The following ZFPM2 variants were observed in gnomAD, a reference collection of about 807,000 sequenced individuals.
The protein encoded by ZFPM2 is zinc finger protein ZFPM2.
ZFPM2 carries 20 observed loss-of-function variants against 98.6 expected under a neutral mutation model. The observed-to-expected ratio is 0.20, with a 90% CI of 0.14 to 0.29. ZFPM2 has a LOEUF of 0.29. Ranked by LOEUF, ZFPM2 falls within the 10% of genes least tolerant of loss-of-function variation. ZFPM2 has a pLI of 1.00. For missense variants in ZFPM2, 1,310 were observed against 1,388.6 expected (o/e 0.94, Z 0.90); for synonymous variants, 518 against 502.7 (o/e 1.03, Z -0.41).
rs869164122 is a variant in ZFPM2, at chr8:105,691,231, C to CTTTTTT, written c.532+56897_532+56902dup. Among the ~76,000 whole-genome samples the CTTTTTT allele has an allele frequency of 1.7e-3, 114 of 67,966 alleles. 13 individuals are homozygous for CTTTTTT. The highest frequency in any genetic ancestry group is 2.1e-3 in the Non-Finnish European group (81 of 38,018). 44.6% of individuals were successfully genotyped at this position (67,966 alleles called of 152,430 possible). On this transcript the variant is annotated intron_variant, in intron 5 of 7. Coordinates refer to ENST00000407775, the MANE Select transcript of ZFPM2 (RefSeq NM_012082.4). ...CTCAAGCGCCCTGTTCCCAAAGAGACTTTTTTTTTTTTTTTTTTTTTTTTT... is the reference window on the plus strand; with the variant it reads ...CTCAAGCGCCCTGTTCCCAAAGAGACTTTTTTTTTTTTTTTTTTTTTTTTTTTTTTT...
Position 105,561,470 on chromosome 8 carries a change from A to C in ZFPM2, c.409A>C (p.Asn137His), listed in dbSNP as rs768990545. The change falls in exon 4 of 8, where the codon AAT becomes CAT. Residue 137 changes from asparagine to histidine, a missense_variant. Physicochemically the swap from Asn to His is moderately conservative, Grantham distance 68. Coordinates refer to ENST00000407775, the MANE Select transcript of ZFPM2 (RefSeq NM_012082.4). Reference protein sequence around the residue: ...GPFPGKMDLNNNSLKTKAQVP... With the variant: ...GPFPGKMDLNHNSLKTKAQVP... ...GTTTCCTGGGAAGATGGACTTGAAT[A>C]ATAATTCTTTGGTATGTGGATATTC... 3 of 1,611,584 alleles carry C rather than the reference A, an allele frequency of 1.9e-6. No individual in the cohort carries two copies. Among genetic ancestry groups the C allele is most frequent in the Admixed American group, 1.7e-5 (1 of 59,828 alleles).
chr8:105,677,456 C>G (rs151130233), intron 5 of ZFPM2, among the ~76,000 whole-genome samples: 1 of 152,184 alleles, frequency 6.6e-6, no homozygotes, highest in African/African-American at 2.4e-5. Context: ...TTCTGCTTAT[C>G]GAATCATCAC....
chr8:105,745,985 T>A (rs542161475), intron 5 of ZFPM2, among the ~76,000 whole-genome samples: 6 of 152,210 alleles, frequency 3.9e-5, no homozygotes, highest in South Asian at 4.1e-4. Flanking sequence ...TTGCCAAGGC[T>A]GGTCTCAAAC....
chr8:105,463,283 ATATG>A (rs1281386808), intron 3 of ZFPM2, among the ~76,000 whole-genome samples: 1 of 113,268 alleles, frequency 8.8e-6, no homozygotes, highest in Non-Finnish European at 2.1e-5. Context: ...TTAAAACTAT[ATATG>A]TGTGTGTGTA....
chr8:105,794,091 G>A (rs779814800), intron 6 of ZFPM2, among the ~76,000 whole-genome samples: 18 of 152,230 alleles, frequency 1.2e-4, no homozygotes, highest in Admixed American at 2.6e-4. Context: ...GTCCTTCTCC[G>A]TCCAGCTTTG....
At chr8:105,571,680 A>G (rs1815357635) in intron 4 of ZFPM2, among the ~76,000 whole-genome samples, 1 of 152,226 alleles carries the variant, frequency 6.6e-6, no homozygotes, top group Non-Finnish European at 1.5e-5. Flanking sequence ...GCTTGACATG[A>G]CAATTAATAC....
intron 6 of ZFPM2, among the ~76,000 whole-genome samples, chr8:105,795,537 A>G (rs1443513659): frequency 6.6e-6 from 1 of 152,048 alleles, no homozygotes; most frequent in Non-Finnish European, 1.5e-5. Context: ...TCAAAGTTTG[A>G]TTAGATATAC....
chr8:105,383,190 A>G (rs1188480529), intron 1 of ZFPM2, among the ~76,000 whole-genome samples: 7 of 152,116 alleles, frequency 4.6e-5, no homozygotes, highest in Non-Finnish European at 8.8e-5. Context: ...TCATCAATAT[A>G]TGCTGCTCCT....
chr8:105,491,500 C>T (rs1302611259), intron 3 of ZFPM2, among the ~76,000 whole-genome samples: 4 of 152,062 alleles, frequency 2.6e-5, no homozygotes, highest in South Asian at 2.1e-4. Flanking sequence ...ACAGGCTGGC[C>T]GTTAAGTAAA....
intron 3 of ZFPM2, among the ~76,000 whole-genome samples, chr8:105,499,919 A>T (rs1411023308): frequency 6.6e-6 from 1 of 152,178 alleles, no homozygotes; most frequent in African/African-American, 2.4e-5. Context: ...ACATTCTTAC[A>T]TGGAACTTTC....
At chr8:105,421,143 C>T (rs1487316593) in intron 2 of ZFPM2, among the ~76,000 whole-genome samples, 1 of 152,034 alleles carries the variant, frequency 6.6e-6, no homozygotes, top group Non-Finnish European at 1.5e-5. Flanking sequence ...CTATACTAAT[C>T]AGAGTCTTAA....
chr8:105,372,032 ATTATTATTATTATTATTTTATTT>A (rs1810632735), intron 1 of ZFPM2, among the ~76,000 whole-genome samples: 1 of 59,318 alleles, frequency 1.7e-5, no homozygotes. Context: ...TATTATTATT[ATTATTATTATTATTATTTTATTT>A]TTTTTGAGAC....
At chr8:105,729,188 C>A (rs1168468960) in intron 5 of ZFPM2, among the ~76,000 whole-genome samples, 1 of 151,626 alleles carries the variant, frequency 6.6e-6, no homozygotes, top group African/African-American at 2.4e-5. Context: ...AGGTTAAGTT[C>A]ATTATTGTCT....
intron 5 of ZFPM2, among the ~76,000 whole-genome samples, chr8:105,772,640 G>GTA (rs1212775016): frequency 6.6e-6 from 1 of 152,116 alleles, no homozygotes; most frequent in Non-Finnish European, 1.5e-5. Flanking sequence ...TTTAGAAGCA[G>GTA]TATATGTGTG....
At chr8:105,426,496 C>T (rs1811914675) in intron 2 of ZFPM2, among the ~76,000 whole-genome samples, 1 of 152,166 alleles carries the variant, frequency 6.6e-6, no homozygotes, top group South Asian at 2.1e-4. Flanking sequence ...CCCCTCCCTC[C>T]ACATGACATT....
chr8:105,522,538 G>A (rs1376244449), intron 3 of ZFPM2, among the ~76,000 whole-genome samples: 30 of 152,196 alleles, frequency 2.0e-4, no homozygotes, highest in African/African-American at 6.7e-4. Flanking sequence ...TTGGGAGGAC[G>A]AGGTGGGCAG....
intron 3 of ZFPM2, among the ~76,000 whole-genome samples, chr8:105,524,167 A>G (rs1479304768): frequency 6.6e-6 from 1 of 152,178 alleles, no homozygotes; most frequent in Non-Finnish European, 1.5e-5. Context: ...AGATATAACT[A>G]TGTTAATGCT....
At position 105,470,301 on chromosome 8, in the gene ZFPM2, T is replaced by G. The variant is rs145122644; in HGVS notation, c.301+25920T>G. Among the ~76,000 whole-genome samples the G allele has an allele frequency of 1.6e-3, 246 of 152,308 alleles. 1 individual carries two copies. The highest frequency in any genetic ancestry group is 5.2e-3 in the African/African-American group (218 of 41,578). Reference sequence around the variant, plus strand: ...CACATCTTGACTCCTGCTGTTTAGCTAGGTGACCTTTGAAAAGTAAGCTAA... The same window carrying G: ...CACATCTTGACTCCTGCTGTTTAGCGAGGTGACCTTTGAAAAGTAAGCTAA... On this transcript the variant is annotated intron_variant, in intron 3 of 7. Coordinates refer to ENST00000407775, the MANE Select transcript of ZFPM2 (RefSeq NM_012082.4).
In ZFPM2 at chr8:105,380,709, A is replaced by ATATTATATATAACATATATAT. The variant is rs1489661833; in HGVS notation, c.41-38432_41-38431insTATATATAACATATATATTAT. Among the ~76,000 whole-genome samples the ATATTATATATAACATATATAT allele has an allele frequency of 2.3e-4, 8 of 35,078 alleles. 1 individual carries two copies. The highest frequency in any genetic ancestry group is 3.4e-4 in the African/African-American group (2 of 5,874). The allele number at this position is 35,078 out of a possible 152,430, so 23.0% of individuals were successfully genotyped here. A position where few individuals can be genotyped will look rare whatever the true frequency, so the allele number is the denominator to read the frequency against. ...ATATTATATATAACATATATAATAT[A>ATATTATATATAACATATATAT]TATATATATTATATATAACATATAT... On this transcript the variant is annotated intron_variant, in intron 1 of 7. Coordinates refer to ENST00000407775, the MANE Select transcript of ZFPM2 (RefSeq NM_012082.4).
Sources: gnomAD v4.1 joint callset for allele counts (sites outside exome capture counted in the v4.1 genomes callset) on GRCh38, gnomAD v4.1.1 for gene constraint, MANE v1.5 for transcripts, NCBI Gene and HGNC (gene_info 2026-07-23, HGNC 2026-07-21) for gene names.